Variants in PLB1 observed in about 807,000 individuals in gnomAD.
The protein encoded by PLB1 is phospholipase B1, membrane-associated.
In PLB1, 242 loss-of-function variants were observed where a neutral mutation model predicts 227.4. The ratio of observed to expected loss-of-function variants is 1.06; its 90% CI spans 0.96 to 1.18. The LOEUF is 1.18. PLB1 is among the 50% of genes most tolerant of loss of function. The probability of loss-of-function intolerance (pLI) is 0.00; values close to 1 mark genes in which losing one functional copy is unlikely to be tolerated. For synonymous variants in PLB1, 757 were observed against 682.2 expected, an observed-to-expected ratio of 1.11 and a Z score of -1.71; for missense variants, 1,858 against 1,816.3, an observed-to-expected ratio of 1.02 and a Z score of -0.42.
chr2:28,612,098 A>T (rs1445644508), intron 43 of PLB1, among the ~76,000 whole-genome samples: 1 of 152,212 alleles, frequency 6.6e-6, no homozygotes, highest in African/African-American at 2.4e-5. Flanking sequence ...GTGAGCCGAG[A>T]TCGCGCCACT....
chr2:28,543,145 G>C (rs1004572524), intron 13 of PLB1, 67 bp from the exon 14 acceptor site: 1 of 1,505,668 alleles, frequency 6.6e-7, no homozygotes. Flanking sequence ...GAGCTTCAAA[G>C]TGTGTAGCAG....
chr2:28,571,565 A>G (rs1678015071), intron 20 of PLB1, among the ~76,000 whole-genome samples: 1 of 54,230 alleles, frequency 1.8e-5, no homozygotes, highest in Admixed American at 2.4e-4. Context: ...AAGCTATAGT[A>G]ATCAAGACGT....
chr2:28,533,473 T>G (rs1671286641), intron 9 of PLB1, among the ~76,000 whole-genome samples: 1 of 152,224 alleles, frequency 6.6e-6, no homozygotes, highest in South Asian at 2.1e-4. Context: ...GCTCAAGCAT[T>G]TAGACATTGG....
chr2:28,545,798 C>T (rs1673165154), intron 14 of PLB1, among the ~76,000 whole-genome samples: 1 of 152,084 alleles, frequency 6.6e-6, no homozygotes, highest in African/African-American at 2.4e-5. Flanking sequence ...TCTGTGTCTA[C>T]CCTCGCAGAC....
At chr2:28,508,577 G>A (rs1271448974) in intron 1 of PLB1, among the ~76,000 whole-genome samples, 1 of 152,178 alleles carries the variant, frequency 6.6e-6, no homozygotes, top group Non-Finnish European at 1.5e-5. Flanking sequence ...GTCACATAGG[G>A]TGACAGCTTA....
chr2:28,597,028 C>T (rs985803889), intron 33 of PLB1, among the ~76,000 whole-genome samples: 23 of 152,158 alleles, frequency 1.5e-4, no homozygotes, highest in African/African-American at 5.1e-4. Context: ...CTTTGGGAGG[C>T]TGAGGCGGGC....
intron 1 of PLB1, among the ~76,000 whole-genome samples, chr2:28,499,489 T>C (rs1666836092): frequency 6.6e-6 from 1 of 151,738 alleles, no homozygotes; most frequent in Admixed American, 6.6e-5. Context: ...TTTCTTTTTC[T>C]TATCTTACTG....
chr2:28,633,063 G>C, intron 56 of PLB1, 24 bp downstream of exon 56: 5 of 1,584,968 alleles, frequency 3.2e-6, no homozygotes, highest in Non-Finnish European at 4.3e-6. Flanking sequence ...GGCCTGGTGG[G>C]CCTTGTCAAG....
At chr2:28,621,063 C>T in intron 49 of PLB1, 85 bp downstream of exon 49, 2 of 1,170,488 alleles carry the variant, frequency 1.7e-6, no homozygotes, top group Non-Finnish European at 2.5e-6. Context: ...GGGTGGTGTC[C>T]AGAAGCCTGG....
chr2:28,551,066 T>A (rs964687156), intron 16 of PLB1, among the ~76,000 whole-genome samples: 4 of 152,202 alleles, frequency 2.6e-5, no homozygotes, highest in Non-Finnish European at 2.9e-5. Flanking sequence ...GCCCAGCACC[T>A]CCTGTTCCCA....
intron 33 of PLB1, chr2:28,594,046 AT>A: frequency 1.4e-6 from 1 of 692,226 alleles, no homozygotes; most frequent in South Asian, 1.4e-5. Flanking sequence ...AAAGCACCAA[AT>A]CCCTGAATCT....
At position 28,614,377 on chromosome 2, in the gene PLB1, G is replaced by A. The variant is rs568425613; in HGVS notation, c.3195+281G>A. On this transcript the variant is annotated intron_variant, in intron 44 of 57. Transcript: ENST00000327757. ...TCCTGGGCTCACAGACGTGGTTACT[G>A]CTTAGGCAGCTCAGCCTCTCAAGAG... 3.3e-5 allele frequency among the ~76,000 whole-genome samples: 5 copies of A among 152,206 alleles called. No individual in the cohort carries two copies. In the South Asian group the frequency reaches 8.3e-4, roughly 25 times the overall value.
At chr2:28,509,339 G>A (rs1162913487) in intron 1 of PLB1, among the ~76,000 whole-genome samples, 4 of 152,140 alleles carry the variant, frequency 2.6e-5, no homozygotes, top group Non-Finnish European at 4.4e-5. Flanking sequence ...TTGGAAGCAC[G>A]TGAACATTAC....
At chr2:28,533,801 T>C (rs1289833306) in intron 9 of PLB1, among the ~76,000 whole-genome samples, 1 of 152,252 alleles carries the variant, frequency 6.6e-6, no homozygotes, top group Non-Finnish European at 1.5e-5. Context: ...ACATAAATTC[T>C]TGCATGCTTT....
At chr2:28,536,348 A>G (rs1671676699) in intron 9 of PLB1, among the ~76,000 whole-genome samples, 1 of 152,206 alleles carries the variant, frequency 6.6e-6, no homozygotes, top group African/African-American at 2.4e-5. Context: ...TTGGATCTGG[A>G]CACTTGCTTA....
chr2:28,627,348 T>C (rs1687937538), intron 51 of PLB1, among the ~76,000 whole-genome samples: 2 of 152,146 alleles, frequency 1.3e-5, no homozygotes, highest in South Asian at 4.1e-4. Context: ...CGGGGATACC[T>C]GGACCCCAGA....
Position 28,600,806 on chromosome 2 carries a change from C to T in PLB1, c.2475-3C>T, listed in dbSNP as rs775428761. The T allele has an allele frequency of 1.2e-6, 2 of 1,613,278 alleles. No individual in the cohort carries two copies. The highest frequency in any genetic ancestry group is 2.7e-5 in the African/African-American group (2 of 74,898). On this transcript the variant is annotated splice_region_variant and splice_polypyrimidine_tract_variant and intron_variant, in intron 35 of 57. Transcript: ENST00000327757. ...AGAAGGATGGGTTTTCTCTCTTTCT[C>T]AGGGATCTTATGAGCCAAGTCCAAA...
intron 24 of PLB1, 42 bp from the exon 25 acceptor site, chr2:28,582,362 GC>G: frequency 6.4e-7 from 1 of 1,563,862 alleles, no homozygotes. Context: ...GTGAAAGGCT[GC>G]CCAGCCTCAT....
In PLB1 at chr2:28,563,084, G is replaced by A. The variant is rs113926779; in HGVS notation, c.1191G>A (p.Leu397=). The A allele has an allele frequency of 1.9e-6, 3 of 1,613,582 alleles. No homozygotes were observed. Among genetic ancestry groups the A allele is most frequent in the Non-Finnish European group, 1.7e-6 (2 of 1,179,588 alleles). Residue 397 remains leucine (L), a synonymous_variant, in exon 18 of 58, where the codon CTG becomes CTA. Transcript: ENST00000327757. ...KPADINVIGA[L]GDSLTAGNGA... ...CTGACATCAACGTAATTGGAGCCCT[G>A]GGTGACTCTCTCACGGTAAGTGACC...
Sources: allele counts gnomAD v4.1 joint callset (sites outside exome capture counted in the v4.1 genomes callset), GRCh38; gene constraint gnomAD v4.1.1; transcripts MANE v1.5; gene names NCBI Gene and HGNC (gene_info 2026-07-23, HGNC 2026-07-21).